Variants in CPED1 observed in about 807,000 individuals in gnomAD.
The protein encoded by CPED1 is cadherin like and PC-esterase domain containing 1, also known as cadherin-like and PC-esterase domain-containing protein 1.
CPED1 carries 114 observed loss-of-function variants against 128.2 expected under a neutral mutation model. The ratio of observed to expected loss-of-function variants is 0.89; its 90% CI spans 0.76 to 1.04. The LOEUF (loss-of-function observed/expected upper bound fraction) is 1.04, where lower values mean the gene tolerates loss of function less well. Among genes scored for constraint, CPED1 ranks in the 50% least tolerant of loss-of-function variants. CPED1 has a pLI of 0.00. For synonymous variants in CPED1, 462 were observed against 426.7 expected (o/e 1.08, Z -1.02); for missense variants, 1,211 against 1,207.1 (o/e 1.00, Z -0.05).
At chr7:121,287,282 C>T (rs1792602398) in intron 22 of CPED1, among the ~76,000 whole-genome samples, 1 of 152,134 alleles carries the variant, frequency 6.6e-6, no homozygotes. Flanking sequence ...GACACAGACA[C>T]ACACACACAC....
At chr7:121,051,419 G>A (rs1793351696) in intron 4 of CPED1, 3 of 470,490 alleles carry the variant, frequency 6.4e-6, no homozygotes, top group Non-Finnish European at 7.5e-6. Context: ...TATTTTTTTG[G>A]CACAACCAGA....
chr7:121,176,844 T>C (rs1796792337), intron 16 of CPED1, among the ~76,000 whole-genome samples: 6 of 152,026 alleles, frequency 3.9e-5, no homozygotes, highest in Non-Finnish European at 1.5e-5. Context: ...AAAATACAGG[T>C]TATTTATATT....
rs1563042445 is a variant in CPED1 at position 121,140,891 on chromosome 7, C to T, written c.1764C>T (p.Asp588=). The T allele has an allele frequency of 6.2e-7, 1 of 1,612,510 alleles. No homozygotes were observed. The highest frequency in any genetic ancestry group is 8.5e-7 in the Non-Finnish European group (1 of 1,179,032). The part of the protein sequence containing the change: ...FTHPHLELNP[D]FHPKIKDYYC... ...ATCCACATTTGGAACTAAATCCTGA[C>T]TTTCATCCAAAGATCAAAGATTATT... The change falls in exon 15 of 23, where the codon GAC becomes GAT. Residue 588 remains aspartate (D), a synonymous_variant. Coordinates refer to ENST00000310396, the MANE Select transcript of CPED1 (RefSeq NM_024913.5).
intron 18 of CPED1, among the ~76,000 whole-genome samples, chr7:121,251,995 C>T (rs1318876255): frequency 9.2e-5 from 14 of 151,496 alleles, no homozygotes; most frequent in East Asian, 5.8e-4. Flanking sequence ...AAAAAGAGCC[C>T]GCATTGCCAA....
intron 17 of CPED1, among the ~76,000 whole-genome samples, chr7:121,242,494 CA>C (rs1309658832): frequency 6.6e-6 from 1 of 152,160 alleles, no homozygotes; most frequent in Non-Finnish European, 1.5e-5. Flanking sequence ...CCTAACACTT[CA>C]ACAGAGTATA....
chr7:121,045,982 G>T (rs192623330), intron 3 of CPED1, among the ~76,000 whole-genome samples: 9 of 152,020 alleles, frequency 5.9e-5, no homozygotes, highest in Admixed American at 5.2e-4. Flanking sequence ...CATTAGTCAA[G>T]AAATATTTTT....
rs1198943088 is a variant in CPED1, at chr7:121,133,902, A to G, written c.1648+9A>G. The G allele has an allele frequency of 3.5e-6, 5 of 1,443,850 alleles. No homozygotes were observed. The East Asian group carries it at 7.0e-5, about 20-fold the overall frequency. 89.4% of individuals were successfully genotyped at this position (1,443,850 alleles called of 1,614,324 possible). ...AATAGAAAATAAAAAAGGTAAAAAT[A>G]TAGATATTCCCACTTATTTCAACAT... On this transcript the variant is annotated intron_variant, in intron 13 of 22. Transcript: ENST00000310396.
intron 3 of CPED1, among the ~76,000 whole-genome samples, chr7:121,026,462 ATATTTCT>A (rs959556434): frequency 5.3e-5 from 8 of 152,152 alleles, no homozygotes; most frequent in Non-Finnish European, 1.2e-4. Flanking sequence ...AACAGAACAC[ATATTTCT>A]TAATTAGGCA....
In CPED1 at chr7:121,222,630, A is replaced by G. The variant is rs142726300; in HGVS notation, c.2056-14084A>G. On this transcript the variant is annotated intron_variant, in intron 16 of 22. Transcript: ENST00000310396. Reference sequence around the variant, plus strand: ...TTTGTTTGTGTCCTCTTTTTATTTCATTGAGCAGTGGTTTGTAGTTCTCCT... The same window carrying G: ...TTTGTTTGTGTCCTCTTTTTATTTCGTTGAGCAGTGGTTTGTAGTTCTCCT... Among the ~76,000 whole-genome samples the G allele has an allele frequency of 2.0e-5, 3 of 152,062 alleles. No homozygotes were observed. In the East Asian group the frequency reaches 5.8e-4, roughly 29 times the overall value.
At chr7:121,014,328 G>A (rs752306170) in intron 2 of CPED1, among the ~76,000 whole-genome samples, 16 of 152,050 alleles carry the variant, frequency 1.1e-4, no homozygotes, top group Non-Finnish European at 1.9e-4. Flanking sequence ...CGAGGTGGGC[G>A]GATCACGAGG....
At chr7:121,021,513 A>C (rs1040163422) in intron 3 of CPED1, among the ~76,000 whole-genome samples, 2 of 152,002 alleles carry the variant, frequency 1.3e-5, no homozygotes, top group Non-Finnish European at 1.5e-5. Context: ...TTTTATTTGT[A>C]ATAAAAAAGA....
At position 121,295,472 on chromosome 7, in the gene CPED1, CTT is replaced by C; in HGVS notation, c.2903_2904del (p.Phe968TyrfsTer2). ...AATCAAAGTTATCCAAAGAATATAA[CTT>C]TATTAAAATGAAAAGATCAAGAAAT... is the stretch of plus-strand genomic sequence containing the variant. Reference protein sequence around the residue: ...VKSKLSKEYNFIKMKRSRNHI... With the variant: ...VKSKLSKEYNXIKMKRSRNHI... On this transcript the variant is annotated frameshift_variant, in exon 23 of 23. Transcript: ENST00000310396. LOFTEE classifies it high-confidence loss of function. The C allele has an allele frequency of 1.2e-6, 2 of 1,613,324 alleles. No homozygotes were observed. The highest frequency in any genetic ancestry group is 1.7e-6 in the Non-Finnish European group (2 of 1,179,568).
chr7:121,257,684 C>T (rs569692891), intron 18 of CPED1, among the ~76,000 whole-genome samples: 31 of 151,990 alleles, frequency 2.0e-4, no homozygotes, highest in East Asian at 1.4e-3. Context: ...AGGGTTTTCC[C>T]GGTACATCTA....
At chr7:121,132,683 T>G (rs956619927) in intron 12 of CPED1, among the ~76,000 whole-genome samples, 1 of 152,040 alleles carries the variant, frequency 6.6e-6, no homozygotes, top group Non-Finnish European at 1.5e-5. Flanking sequence ...AAGGAAATGC[T>G]TTCAATGAAA....
At position 121,296,437 on chromosome 7, in the gene CPED1, T is replaced by C. The variant is rs1200798133; in HGVS notation, c.*785T>C. 1 of 152,182 alleles carries C rather than the reference T, an allele frequency of 6.6e-6. No homozygotes were observed. The highest frequency in any genetic ancestry group is 2.4e-5 in the African/African-American group (1 of 41,464). 9.4% of individuals were successfully genotyped at this position (152,182 alleles called of 1,614,324 possible). Reference sequence around the variant, plus strand: ...TGTAGTTCCTCATGTATTACTGTACTATGTTTCATTGATGATATTACTTAA... The same window carrying C: ...TGTAGTTCCTCATGTATTACTGTACCATGTTTCATTGATGATATTACTTAA... On this transcript the variant is annotated 3_prime_UTR_variant, in exon 23 of 23. Transcript: ENST00000310396.
rs1227703216 is a variant in CPED1, at chr7:121,211,587, T to A, written c.2056-25127T>A. 8.1e-3 allele frequency among the ~76,000 whole-genome samples: 29 copies of A among 3,570 alleles called. No individual in the cohort carries two copies. The South Asian group carries it at 0.19, about 23-fold the overall frequency. The allele number at this position is 3,570 out of a possible 152,430, so 2.3% of individuals were successfully genotyped here. On this transcript the variant is annotated intron_variant, in intron 16 of 22. Coordinates refer to ENST00000310396, the MANE Select transcript of CPED1 (RefSeq NM_024913.5). ...GCAGACACGTGACATATTCTGGAGA[T>A]CAGCTTGAACTATCACAGGGCTGTG...
At chr7:121,087,682 G>GTTTTTTTTA (rs1794466437) in intron 5 of CPED1, among the ~76,000 whole-genome samples, 2 of 111,578 alleles carry the variant, frequency 1.8e-5, no homozygotes, top group African/African-American at 8.3e-5. Context: ...TTTTTTTTTG[G>GTTTTTTTTA]CAGAGTCTTT....
At chr7:121,241,159 C>T (rs1313191063) in intron 17 of CPED1, among the ~76,000 whole-genome samples, 293 of 95,898 alleles carry the variant, frequency 3.1e-3, no homozygotes, top group Non-Finnish European at 4.2e-3. Flanking sequence ...CCGGCTAAAA[C>T]GGTGAAACCC....
intron 2 of CPED1, among the ~76,000 whole-genome samples, chr7:120,995,489 T>C (rs1024456541): frequency 6.6e-6 from 1 of 152,252 alleles, no homozygotes; most frequent in African/African-American, 2.4e-5. Flanking sequence ...TTTTCCTTGA[T>C]GAATGTATCA....
Sources: gnomAD v4.1 joint callset for allele counts (sites outside exome capture counted in the v4.1 genomes callset) on GRCh38, gnomAD v4.1.1 for gene constraint, MANE v1.5 for transcripts, NCBI Gene and HGNC (gene_info 2026-07-23, HGNC 2026-07-21) for gene names.